SNX29: variants seen among roughly 807,000 people sequenced by gnomAD.
SNX29 encodes sorting nexin-29.
SNX29 carries 78 observed loss-of-function variants against 102.1 expected under a neutral mutation model. That is an observed-to-expected ratio of 0.76 (90% CI 0.64 to 0.92). SNX29 has a LOEUF of 0.92. Ranked by LOEUF, SNX29 falls within the 40% of genes least tolerant of loss-of-function variation. The probability of loss-of-function intolerance (pLI) is 0.00; values close to 1 mark genes in which losing one functional copy is unlikely to be tolerated. For missense variants in SNX29, 1,280 were observed against 1,061.7 expected (o/e 1.21, Z -2.86); for synonymous variants, 580 against 414.5 (o/e 1.40, Z -4.85).
chr16:12,206,592 G>A (rs939041169), intron 14 of SNX29, among the ~76,000 whole-genome samples: 2 of 152,048 alleles, frequency 1.3e-5, no homozygotes, highest in African/African-American at 4.8e-5. Flanking sequence ...TCAGCCAGGT[G>A]TTCTCCTTGG....
At position 12,570,730 on chromosome 16, in the gene SNX29, C is replaced by T. The variant is rs143075871; in HGVS notation, c.*2101C>T. ...CACAGGATGTGAATTGGTCTCTCTC[C>T]AGATACCCCACGAGGAAGCACCTTG... is the stretch of plus-strand genomic sequence containing the variant. On this transcript the variant is annotated 3_prime_UTR_variant, in exon 21 of 21. Coordinates refer to ENST00000566228, the MANE Select transcript of SNX29 (RefSeq NM_032167.5). 3 of 232,362 alleles carry T rather than the reference C, an allele frequency of 1.3e-5. No homozygotes were observed. The highest frequency in any genetic ancestry group is 6.6e-5 in the African/African-American group (3 of 45,382). 14.4% of individuals were successfully genotyped at this position (232,362 alleles called of 1,614,324 possible).
At chr16:12,384,336 A>G (rs371657280) in intron 16 of SNX29, among the ~76,000 whole-genome samples, 1 of 152,220 alleles carries the variant, frequency 6.6e-6, no homozygotes, top group Non-Finnish European at 1.5e-5. Context: ...CATTCCCATC[A>G]ACAGTGTACA....
At chr16:12,008,928 G>T (rs2056552062) in intron 3 of SNX29, among the ~76,000 whole-genome samples, 1 of 151,676 alleles carries the variant, frequency 6.6e-6, no homozygotes, top group South Asian at 2.1e-4. Flanking sequence ...TTTTAGTAGA[G>T]ACGGGGTTTC....
intron 16 of SNX29, among the ~76,000 whole-genome samples, chr16:12,378,669 A>G (rs1033425400): frequency 6.6e-6 from 1 of 152,180 alleles, no homozygotes; most frequent in South Asian, 2.1e-4. Context: ...GATGAATTTC[A>G]ACATGAGGTT....
chr16:12,140,038 A>G (rs1248145681), intron 13 of SNX29, among the ~76,000 whole-genome samples: 1 of 150,936 alleles, frequency 6.6e-6, no homozygotes, highest in Non-Finnish European at 1.5e-5. Flanking sequence ...AGTCAGTAGT[A>G]GGTGACAGAA....
At chr16:12,223,523 G>A (rs1188978127) in intron 14 of SNX29, among the ~76,000 whole-genome samples, 8 of 152,298 alleles carry the variant, frequency 5.3e-5, no homozygotes, top group African/African-American at 1.4e-4. Flanking sequence ...TTAGCAGGGC[G>A]TGGGGGCATG....
intron 17 of SNX29, among the ~76,000 whole-genome samples, chr16:12,401,359 A>ATTTTTTTTTTTTTTTTTTTTTTTTTTT (rs35886680): frequency 9.9e-6 from 1 of 101,500 alleles, no homozygotes. Context: ...ATAGAGTTAA[A>ATTTTTTTTTTTTTTTTTTTTTTTTTTT]TTTTTTTTTT....
intron 14 of SNX29, among the ~76,000 whole-genome samples, chr16:12,274,348 CCT>C (rs955100928): frequency 5.3e-5 from 8 of 152,118 alleles, no homozygotes; most frequent in African/African-American, 1.9e-4. Flanking sequence ...TTCTCTGTCC[CCT>C]GTGTTCTCAA....
chr16:12,042,220 G>A (rs996698448), intron 4 of SNX29, among the ~76,000 whole-genome samples: 5 of 152,102 alleles, frequency 3.3e-5, no homozygotes, highest in Admixed American at 6.6e-5. Flanking sequence ...TAGTAGAGAT[G>A]GGGTTTTACT....
intron 11 of SNX29, among the ~76,000 whole-genome samples, chr16:12,079,706 ATT>A (rs2051768078): frequency 6.6e-6 from 1 of 152,106 alleles, no homozygotes; most frequent in Non-Finnish European, 1.5e-5. Context: ...TGTGATGGAA[ATT>A]TCTCTCTATC....
chr16:12,326,046 G>C (rs545068792), intron 15 of SNX29, among the ~76,000 whole-genome samples: 1 of 151,556 alleles, frequency 6.6e-6, no homozygotes, highest in Admixed American at 6.6e-5. Flanking sequence ...TGTTTTTTGA[G>C]ATGGAGCCTC....
chr16:12,293,318 A>C (rs1044165686), intron 15 of SNX29, among the ~76,000 whole-genome samples: 1 of 152,226 alleles, frequency 6.6e-6, no homozygotes, highest in African/African-American at 2.4e-5. Flanking sequence ...AGGCTCAGAA[A>C]GGTTGAGTAG....
At chr16:12,324,007 A>AT (rs2081040563) in intron 15 of SNX29, among the ~76,000 whole-genome samples, 1 of 151,488 alleles carries the variant, frequency 6.6e-6, no homozygotes, top group African/African-American at 2.5e-5. Context: ...CTAGAGAAGA[A>AT]TATGACGTAC....
At chr16:12,101,871 C>A (rs571454342) in intron 11 of SNX29, among the ~76,000 whole-genome samples, 1 of 152,254 alleles carries the variant, frequency 6.6e-6, no homozygotes, top group South Asian at 2.1e-4. Flanking sequence ...CACCCATCAG[C>A]CCGTCATCTA....
intron 18 of SNX29, among the ~76,000 whole-genome samples, chr16:12,476,829 G>C (rs1468255085): frequency 1.3e-5 from 2 of 152,132 alleles, no homozygotes; most frequent in African/African-American, 4.8e-5. Flanking sequence ...CTTTCACGTA[G>C]GAACAGAATT....
chr16:11,983,710 G>T (rs2055484152), intron 1 of SNX29: 2 of 985,190 alleles, frequency 2.0e-6, no homozygotes, highest in South Asian at 9.4e-5. Flanking sequence ...CTTGACTCCA[G>T]GTAACTGATA....
chr16:12,348,978 C>A (rs933886331), intron 15 of SNX29, among the ~76,000 whole-genome samples: 1 of 152,184 alleles, frequency 6.6e-6, no homozygotes, highest in Non-Finnish European at 1.5e-5. Context: ...AAGACAGCGC[C>A]CTTAGTTTAC....
At chr16:12,496,003 A>G (rs1052727311) in intron 19 of SNX29, among the ~76,000 whole-genome samples, 5 of 152,168 alleles carry the variant, frequency 3.3e-5, no homozygotes, top group Non-Finnish European at 5.9e-5. Context: ...AGCCGAGATC[A>G]TGCCACTGCA....
At chr16:12,328,499 C>G (rs936599668) in intron 15 of SNX29, among the ~76,000 whole-genome samples, 1 of 152,190 alleles carries the variant, frequency 6.6e-6, no homozygotes, top group African/African-American at 2.4e-5. Flanking sequence ...AAGCACTTGA[C>G]TCTCAGCCAG....
Sources: allele counts gnomAD v4.1 joint callset (sites outside exome capture counted in the v4.1 genomes callset), GRCh38; gene constraint gnomAD v4.1.1; transcripts MANE v1.5; gene names NCBI Gene and HGNC (gene_info 2026-07-23, HGNC 2026-07-21).